CAPZA2: variants seen among roughly 807,000 people sequenced by gnomAD.
CAPZA2 encodes capping actin protein of muscle Z-line subunit alpha 2.
A neutral mutation model predicts 44.0 loss-of-function variants in CAPZA2; 13 were observed. That is an observed-to-expected ratio of 0.30 (90% CI 0.19 to 0.47). CAPZA2 has a LOEUF of 0.47. CAPZA2 is among the 20% of genes least tolerant of loss of function. The probability of loss-of-function intolerance (pLI) is 1.00; values close to 1 mark genes in which losing one functional copy is unlikely to be tolerated. For synonymous variants in CAPZA2, 94 were observed against 108.2 expected (o/e 0.87, Z 0.81); for missense variants, 244 against 338.6 (o/e 0.72, Z 2.19).
At chr7:116,864,097 A>G (rs1796452056) in intron 1 of CAPZA2, among the ~76,000 whole-genome samples, 1 of 152,192 alleles carries the variant, frequency 6.6e-6, no homozygotes, top group African/African-American at 2.4e-5. Flanking sequence ...TAATCTTGAT[A>G]AATAATCCTA....
Position 116,894,929 on chromosome 7 carries a change from T to A in CAPZA2, c.155+1884T>A, listed in dbSNP as rs1585009518. Among the ~76,000 whole-genome samples the A allele has an allele frequency of 2.0e-5, 3 of 152,320 alleles. No individual in the cohort carries two copies. In the East Asian group the frequency reaches 5.8e-4, roughly 29 times the overall value. On this transcript the variant is annotated intron_variant, in intron 3 of 9. Coordinates refer to ENST00000361183, the MANE Select transcript of CAPZA2 (RefSeq NM_006136.3). Reference sequence around the variant, plus strand: ...TGGACACTTGAGTTGCTCCCACCCATTAATTATATTAAAGTGCTTCATAGG... The same window carrying A: ...TGGACACTTGAGTTGCTCCCACCCAATAATTATATTAAAGTGCTTCATAGG...
intron 6 of CAPZA2, chr7:116,906,688 A>T (rs958683447): frequency 2.2e-5 from 4 of 182,490 alleles, no homozygotes; most frequent in African/African-American, 9.4e-5. Context: ...AAAGATAATT[A>T]TAGAACAAAA....
At chr7:116,899,397 G>A (rs904591104) in intron 4 of CAPZA2, among the ~76,000 whole-genome samples, 3 of 151,862 alleles carry the variant, frequency 2.0e-5, no homozygotes, top group African/African-American at 7.2e-5. Flanking sequence ...GAACTGGTAG[G>A]TAGAACATAA....
chr7:116,877,276 T>A (rs995373128), intron 1 of CAPZA2, among the ~76,000 whole-genome samples: 2 of 152,252 alleles, frequency 1.3e-5, no homozygotes, highest in Non-Finnish European at 2.9e-5. Context: ...ATAGTATAAT[T>A]TGATCTTAGA....
intron 6 of CAPZA2, among the ~76,000 whole-genome samples, chr7:116,907,363 TATA>T (rs1388252009): frequency 1.3e-5 from 2 of 152,232 alleles, no homozygotes; most frequent in African/African-American, 4.8e-5. Context: ...ATGGACTTAA[TATA>T]AGTGTAGTTT....
rs1374191491 is a variant in CAPZA2 at position 116,906,612 on chromosome 7, G to C, written c.506+270G>C. On this transcript the variant is annotated intron_variant, in intron 6 of 9. Transcript: ENST00000361183. ...AGCATGTGTGCCTGCGAGAACACCA[G>C]TTGGCAATCCATATGCTCATTCTGT... 7 of 348,902 alleles carry C rather than the reference G, an allele frequency of 2.0e-5. No homozygotes were observed. The East Asian group carries it at 4.2e-4, about 21-fold the overall frequency. The allele number at this position is 348,902 out of a possible 1,614,324, so 21.6% of individuals were successfully genotyped here.
At chr7:116,883,278 A>AT (rs889260723) in intron 1 of CAPZA2, among the ~76,000 whole-genome samples, 170 of 150,294 alleles carry the variant, frequency 1.1e-3, no homozygotes, top group Middle Eastern at 3.4e-3. Flanking sequence ...GTTAACTGGT[A>AT]TTTTTTTTTT....
At chr7:116,911,518 C>T (rs1022774749) in intron 7 of CAPZA2, among the ~76,000 whole-genome samples, 2 of 152,112 alleles carry the variant, frequency 1.3e-5, no homozygotes, top group Admixed American at 6.6e-5. Flanking sequence ...ATACTGAAGC[C>T]TTTTTTAACC....
intron 1 of CAPZA2, 47 bp downstream of exon 1, chr7:116,862,697 G>T: frequency 6.7e-7 from 1 of 1,502,416 alleles, no homozygotes; most frequent in Non-Finnish European, 8.9e-7. Flanking sequence ...AGCCGGCTCA[G>T]CCCGGGCGGG....
Position 116,888,107 on chromosome 7 carries a change from T to C in CAPZA2, c.40-20T>C. ...AGAAGCCTGTGATATGGAACATTTA[T>C]ATCTTTCTTTCTGTTTCAGGTGCGT... On this transcript the variant is annotated intron_variant, in intron 1 of 9. Coordinates refer to ENST00000361183, the MANE Select transcript of CAPZA2 (RefSeq NM_006136.3). 1 of 1,579,502 alleles carries C rather than the reference T, an allele frequency of 6.3e-7. No individual in the cohort carries two copies. The highest frequency in any genetic ancestry group is 8.7e-7 in the Non-Finnish European group (1 of 1,152,624).
chr7:116,910,285 C>G lies in CAPZA2; in HGVS notation c.559C>G (p.Gln187Glu). 1.3e-6 allele frequency: 2 copies of G among 1,583,858 alleles called. No homozygotes were observed. The stretch of plus-strand genomic sequence containing the variant: ...GTTTACAATCACTCCTTCAACCACT[C>G]AAGTGGTTGGCATCTTGAAAATTCA... ...WKFTITPSTT[Q>E]VVGILKIQVH... Residue 187 changes from glutamine (Q) to glutamate (E), a missense_variant, in exon 7 of 10, where the codon CAA (glutamine) becomes GAA (glutamate). Transcript: ENST00000361183.
At chr7:116,895,600 A>G (rs1796914517) in intron 3 of CAPZA2, among the ~76,000 whole-genome samples, 2 of 152,076 alleles carry the variant, frequency 1.3e-5, no homozygotes, top group South Asian at 4.1e-4. Context: ...GAAAAAACTC[A>G]TCAAAACCTT....
chr7:116,909,988 T>A, intron 6 of CAPZA2: 1 of 472,882 alleles, frequency 2.1e-6, no homozygotes, highest in East Asian at 4.0e-5. Flanking sequence ...AAGCCTTAGC[T>A]TTAGAATTCT....
At position 116,920,458 on chromosome 7, in the gene CAPZA2, A is replaced by C. The variant is rs1484719545; in HGVS notation, c.*2591A>C. On this transcript the variant is annotated 3_prime_UTR_variant, in exon 10 of 10. Coordinates refer to ENST00000361183, the MANE Select transcript of CAPZA2 (RefSeq NM_006136.3). ...TGAGAGAGCATGCTGGCTTGGACTG[A>C]GGTGGTTGCTGTAGAGGTGGTATAA... 1 of 152,202 alleles carries C rather than the reference A, an allele frequency of 6.6e-6. No homozygotes were observed. The highest frequency in any genetic ancestry group is 2.4e-5 in the African/African-American group (1 of 41,402). 9.4% of individuals were successfully genotyped at this position (152,202 alleles called of 1,614,324 possible). A position where few individuals can be genotyped will look rare whatever the true frequency, so the allele number is the denominator to read the frequency against.
intron 4 of CAPZA2, among the ~76,000 whole-genome samples, chr7:116,902,924 G>A (rs1459167202): frequency 6.6e-6 from 1 of 152,042 alleles, no homozygotes; most frequent in Non-Finnish European, 1.5e-5. Flanking sequence ...TGTTGCCCGG[G>A]CTGGTCTCAA....
chr7:116,878,286 G>A (rs1473906436), intron 1 of CAPZA2, among the ~76,000 whole-genome samples: 5 of 152,182 alleles, frequency 3.3e-5, no homozygotes, highest in African/African-American at 9.7e-5. Context: ...CAAAAGAATC[G>A]TCATAGAAGA....
chr7:116,916,154 C>T (rs367868854), intron 9 of CAPZA2, 32 bp downstream of exon 9: 16 of 1,486,396 alleles, frequency 1.1e-5, no homozygotes, highest in Non-Finnish European at 1.3e-5. Flanking sequence ...ATAAGCTACA[C>T]TCACATATGA....
rs535368512 is a variant in CAPZA2, at chr7:116,885,032, A to G, written c.40-3095A>G. Among the ~76,000 whole-genome samples the G allele has an allele frequency of 2.6e-5, 4 of 152,278 alleles. No individual in the cohort carries two copies. The East Asian group carries it at 5.8e-4, about 22-fold the overall frequency. ...CTTTTTGTGCATTTATCTGTCTTATATATACTCTTTGGCGGCGAAGTGTCT... is the reference window on the plus strand; with the variant it reads ...CTTTTTGTGCATTTATCTGTCTTATGTATACTCTTTGGCGGCGAAGTGTCT... On this transcript the variant is annotated intron_variant, in intron 1 of 9. Coordinates refer to ENST00000361183, the MANE Select transcript of CAPZA2 (RefSeq NM_006136.3).
At chr7:116,885,317 A>G (rs1423675315) in intron 1 of CAPZA2, among the ~76,000 whole-genome samples, 1 of 151,964 alleles carries the variant, frequency 6.6e-6, no homozygotes, top group Non-Finnish European at 1.5e-5. Context: ...TGTGTGGACA[A>G]AACACCTATG....
Sources: gnomAD v4.1 joint callset for allele counts (sites outside exome capture counted in the v4.1 genomes callset) on GRCh38, gnomAD v4.1.1 for gene constraint, MANE v1.5 for transcripts, NCBI Gene and HGNC (gene_info 2026-07-23, HGNC 2026-07-21) for gene names.